VAV3: variants seen among roughly 807,000 people sequenced by gnomAD.
VAV3 encodes guanine nucleotide exchange factor VAV3.
In VAV3, 94 loss-of-function variants were observed where a neutral mutation model predicts 131.2. That is an observed-to-expected ratio of 0.72 (90% confidence interval 0.61 to 0.85). The LOEUF (loss-of-function observed/expected upper bound fraction) is 0.85, where lower values mean the gene tolerates loss of function less well. Among genes scored for constraint, VAV3 ranks in the 40% least tolerant of loss-of-function variants. The probability of loss-of-function intolerance (pLI) is 0.00; values close to 1 mark genes in which losing one functional copy is unlikely to be tolerated. For synonymous variants in VAV3, 349 were observed against 342.0 expected (o/e 1.02, Z -0.22); for missense variants, 939 against 1,002.7 (o/e 0.94, Z 0.86).
intron 8 of VAV3, 38 bp downstream of exon 8, chr1:107,766,409 C>G (rs1486560425): frequency 7.2e-7 from 1 of 1,384,846 alleles, no homozygotes; most frequent in Admixed American, 1.9e-5. Flanking sequence ...ACTATAATTA[C>G]AAGCTAAGAC....
At chr1:107,652,708 AGTT>A (rs778201131) in intron 19 of VAV3, among the ~76,000 whole-genome samples, 34 of 152,116 alleles carry the variant, frequency 2.2e-4, no homozygotes, top group Non-Finnish European at 4.4e-4. Flanking sequence ...ACAAATATTC[AGTT>A]ATTATTGGTA....
intron 2 of VAV3, among the ~76,000 whole-genome samples, chr1:107,799,035 A>G (rs1427900482): frequency 1.3e-5 from 2 of 152,198 alleles, no homozygotes; most frequent in Admixed American, 1.3e-4. Flanking sequence ...ATGAAAGCAC[A>G]GCTTATCAGG....
intron 15 of VAV3, among the ~76,000 whole-genome samples, chr1:107,725,413 A>G (rs980963833): frequency 1.3e-5 from 2 of 152,202 alleles, no homozygotes; most frequent in African/African-American, 2.4e-5. Flanking sequence ...TGCAGCCGAA[A>G]GTAAAGAGAG....
Position 107,749,649 on chromosome 1 carries a change from T to A in VAV3, c.1260-55A>T, listed in dbSNP as rs865808525. 4.1e-5 allele frequency: 65 copies of A among 1,572,168 alleles called. 2 individuals carry two copies. In the Middle Eastern group the frequency reaches 1.0e-2, roughly 242 times the overall value. Reference sequence around the variant, plus strand: ...TAAATGGTTTAGAAACATGGGTTATTAATTTTTTTGGGTATAAAGCAACCA... The same window carrying A: ...TAAATGGTTTAGAAACATGGGTTATAAATTTTTTTGGGTATAAAGCAACCA... On this transcript the variant is annotated intron_variant, in intron 13 of 26. Coordinates refer to ENST00000370056, the MANE Select transcript of VAV3 (RefSeq NM_006113.5).
At chr1:107,584,526 T>C (rs1346214949) in intron 25 of VAV3, among the ~76,000 whole-genome samples, 2 of 152,134 alleles carry the variant, frequency 1.3e-5, no homozygotes, top group East Asian at 3.9e-4. Flanking sequence ...AGGGCTAATA[T>C]CCAGAATCTA....
At chr1:107,800,485 T>A (rs1666777013) in intron 2 of VAV3, among the ~76,000 whole-genome samples, 1 of 152,178 alleles carries the variant, frequency 6.6e-6, no homozygotes. Context: ...TAGCCATCTG[T>A]ATGTCTTCTG....
chr1:107,588,071 T>A (rs1462308738), intron 25 of VAV3, among the ~76,000 whole-genome samples: 1 of 152,230 alleles, frequency 6.6e-6, no homozygotes, highest in African/African-American at 2.4e-5. Flanking sequence ...CAAGCCATAT[T>A]CTGAAGGGAT....
chr1:107,942,026 G>C (rs529316282), intron 1 of VAV3, among the ~76,000 whole-genome samples: 4 of 152,174 alleles, frequency 2.6e-5, no homozygotes, highest in African/African-American at 7.2e-5. Context: ...CCTCCCCTTA[G>C]AGTCTGAACT....
At chr1:107,850,726 T>TA (rs370005200) in intron 2 of VAV3, among the ~76,000 whole-genome samples, 4 of 151,748 alleles carry the variant, frequency 2.6e-5, no homozygotes, top group African/African-American at 7.3e-5. Context: ...ATAATTTTTT[T>TA]AAAAAAAAGA....
chr1:107,738,648 C>T (rs1333670972), intron 15 of VAV3, among the ~76,000 whole-genome samples: 7 of 152,132 alleles, frequency 4.6e-5, no homozygotes, highest in Admixed American at 3.9e-4. Context: ...TGTTGTATAG[C>T]CCAAAGTAGT....
At chr1:107,848,160 A>G (rs1669053042) in intron 2 of VAV3, among the ~76,000 whole-genome samples, 1 of 152,010 alleles carries the variant, frequency 6.6e-6, no homozygotes, top group African/African-American at 2.4e-5. Flanking sequence ...AAAAACACAA[A>G]AAATTAGTTG....
chr1:107,820,307 C>A (rs1317300532), intron 2 of VAV3, among the ~76,000 whole-genome samples: 1 of 152,138 alleles, frequency 6.6e-6, no homozygotes, highest in African/African-American at 2.4e-5. Context: ...CTGTCATTTG[C>A]AGCAACATGG....
chr1:107,761,392 CAAAAAAAAA>C (rs35391183), intron 9 of VAV3, among the ~76,000 whole-genome samples: 2 of 102,522 alleles, frequency 2.0e-5, no homozygotes, highest in African/African-American at 7.5e-5. Context: ...GACTCCGTCT[CAAAAAAAAA>C]AAAAAAAAGA....
In VAV3 at chr1:107,852,563, C is replaced by A. The variant is rs796865190; in HGVS notation, c.321+22338G>T. ...ATTAATTGTGAGGATTTATTTCATT[C>A]CATTTTTCTTCTAAAATATTTAAAT... is the stretch of plus-strand genomic sequence containing the variant. On this transcript the variant is annotated intron_variant, in intron 2 of 26. Transcript: ENST00000370056. Among the ~76,000 whole-genome samples the A allele has an allele frequency of 1.7e-4, 26 of 152,220 alleles. 1 individual carries two copies. Among genetic ancestry groups the A allele is most frequent in the African/African-American group, 5.5e-4 (23 of 41,558 alleles).
At chr1:107,795,041 A>G (rs999286714) in intron 2 of VAV3, among the ~76,000 whole-genome samples, 6 of 152,186 alleles carry the variant, frequency 3.9e-5, no homozygotes, top group Admixed American at 3.9e-4. Flanking sequence ...ACTTGACAAA[A>G]AGAGAGGAGG....
At chr1:107,813,967 AGTGTGTGT>A (rs58318688) in intron 2 of VAV3, among the ~76,000 whole-genome samples, 13,921 of 135,814 alleles carry the variant, frequency 0.1, 908 homozygotes, top group East Asian at 0.36. Flanking sequence ...ATAGTACTCC[AGTGTGTGT>A]GTGTGTGTGT....
At chr1:107,688,313 G>C (rs1015826445) in intron 18 of VAV3, 68 bp downstream of exon 18, 2 of 1,556,776 alleles carry the variant, frequency 1.3e-6, no homozygotes, top group Non-Finnish European at 1.7e-6. Context: ...AAAAGCCCAA[G>C]CCTGGTTAAG....
At chr1:107,709,176 A>C (rs1263629563) in intron 15 of VAV3, among the ~76,000 whole-genome samples, 1 of 152,194 alleles carries the variant, frequency 6.6e-6, no homozygotes, top group Admixed American at 6.6e-5. Flanking sequence ...CCCTAAAAGT[A>C]GCACTAAAAG....
chr1:107,601,262 G>A (rs1018400901), intron 24 of VAV3, among the ~76,000 whole-genome samples: 2 of 152,094 alleles, frequency 1.3e-5, no homozygotes, highest in Non-Finnish European at 2.9e-5. Flanking sequence ...TCCAGGACAT[G>A]ACCTTGCTGC....
Sources: gnomAD v4.1 joint callset for allele counts (sites outside exome capture counted in the v4.1 genomes callset) on GRCh38, gnomAD v4.1.1 for gene constraint, MANE v1.5 for transcripts, NCBI Gene and HGNC (gene_info 2026-07-23, HGNC 2026-07-21) for gene names.